Variants in AUTS2 observed in about 807,000 individuals in gnomAD.
AUTS2 encodes the protein activator of transcription and developmental regulator AUTS2.
In AUTS2, 17 loss-of-function variants were observed where a neutral mutation model predicts 112.4. The ratio of observed to expected loss-of-function variants is 0.15; its 90% confidence interval spans 0.10 to 0.23. AUTS2 has a LOEUF of 0.23. Ranked by LOEUF, AUTS2 falls within the 10% of genes least tolerant of loss-of-function variation. AUTS2 has a pLI of 1.00. For missense variants in AUTS2, 1,510 were observed against 1,701.6 expected (o/e 0.89, Z 1.98); for synonymous variants, 751 against 702.7 (o/e 1.07, Z -1.09).
intron 4 of AUTS2, among the ~76,000 whole-genome samples, chr7:70,412,700 T>A (rs1476216069): frequency 6.6e-6 from 1 of 152,170 alleles, no homozygotes; most frequent in East Asian, 1.9e-4. Context: ...CTTATTAAAA[T>A]AATATAATTT....
At chr7:70,576,984 TAGCCTTTCTGGTATTCCAGTTTAGAAC>T (rs1183490209) in intron 5 of AUTS2, among the ~76,000 whole-genome samples, 2 of 152,152 alleles carry the variant, frequency 1.3e-5, no homozygotes, top group African/African-American at 4.8e-5. Context: ...GAACCAGAGT[TAGCCTTTCTGGTATTCCAGTTTAGAAC>T]AGCACCATAT....
intron 4 of AUTS2, among the ~76,000 whole-genome samples, chr7:70,235,132 T>C (rs1812253423): frequency 6.6e-6 from 1 of 152,172 alleles, no homozygotes; most frequent in Non-Finnish European, 1.5e-5. Flanking sequence ...GAAGCTATTA[T>C]TTTTATAATT....
At chr7:69,936,442 T>G (rs554706931) in intron 2 of AUTS2, among the ~76,000 whole-genome samples, 8 of 152,146 alleles carry the variant, frequency 5.3e-5, no homozygotes, top group South Asian at 2.1e-4. Context: ...CTCCACCTCC[T>G]GGGTTCACGC....
In AUTS2 at chr7:70,270,419, A is replaced by G. The variant is rs79067469; in HGVS notation, c.660+135848A>G. Among the ~76,000 whole-genome samples the G allele has an allele frequency of 6.2e-4, 95 of 152,302 alleles. 3 individuals carry two copies. In the East Asian group the frequency reaches 0.015, roughly 24 times the overall value. On this transcript the variant is annotated intron_variant, in intron 4 of 18. Transcript: ENST00000342771. ...TGTGGAAAAATTGGTGTGGTAGTAC[A>G]CGCCAATCCTGGGACCTTCAAGTTG...
chr7:70,156,212 A>G (rs1807748398), intron 4 of AUTS2, among the ~76,000 whole-genome samples: 1 of 152,112 alleles, frequency 6.6e-6, no homozygotes, highest in South Asian at 2.1e-4. Context: ...CTCTGTTGAC[A>G]TAGAATATGC....
chr7:70,765,944 G>A (rs187618280), intron 8 of AUTS2, among the ~76,000 whole-genome samples, 170 bp from the exon 9 acceptor site: 259 of 152,230 alleles, frequency 1.7e-3, no homozygotes, highest in Middle Eastern at 3.4e-3. Flanking sequence ...GGGTGCGACC[G>A]GGCCTTGGTC....
chr7:70,552,354 C>A (rs566804653), intron 5 of AUTS2, among the ~76,000 whole-genome samples: 2 of 152,136 alleles, frequency 1.3e-5, no homozygotes, highest in Non-Finnish European at 2.9e-5. Context: ...ATGCAAAATA[C>A]TTCTTCCTGT....
chr7:70,122,463 T>C (rs544287281), intron 3 of AUTS2, among the ~76,000 whole-genome samples: 2 of 152,342 alleles, frequency 1.3e-5, no homozygotes, highest in African/African-American at 4.8e-5. Flanking sequence ...GTGCCATTTC[T>C]GGTCCTGTTT....
At chr7:70,031,402 CATA>C (rs1471745132) in intron 2 of AUTS2, among the ~76,000 whole-genome samples, 1 of 152,112 alleles carries the variant, frequency 6.6e-6, no homozygotes, top group Non-Finnish European at 1.5e-5. Flanking sequence ...TCCCTTTCAG[CATA>C]ATAGTGGCAG....
intron 5 of AUTS2, among the ~76,000 whole-genome samples, chr7:70,669,904 G>A (rs369702004): frequency 1.3e-5 from 2 of 152,124 alleles, no homozygotes; most frequent in Non-Finnish European, 2.9e-5. Flanking sequence ...TTTCTAAAGC[G>A]AAGGAGCCAG....
intron 5 of AUTS2, among the ~76,000 whole-genome samples, chr7:70,463,560 T>A (rs1797055474): frequency 6.6e-6 from 1 of 152,268 alleles, no homozygotes; most frequent in Non-Finnish European, 1.5e-5. Flanking sequence ...CAGCCTCTGA[T>A]GGCTGATAAG....
chr7:70,309,358 T>TA (rs1221580387), intron 4 of AUTS2, among the ~76,000 whole-genome samples: 1 of 152,208 alleles, frequency 6.6e-6, no homozygotes, highest in Non-Finnish European at 1.5e-5. Context: ...AAGACTTCTC[T>TA]AATAGAGTTA....
intron 4 of AUTS2, among the ~76,000 whole-genome samples, chr7:70,155,051 G>A (rs1224868152): frequency 6.6e-6 from 1 of 152,124 alleles, no homozygotes; most frequent in African/African-American, 2.4e-5. Context: ...TTCTTCCCAG[G>A]TGGATGTTTC....
At chr7:70,094,021 T>C (rs2129568151) in intron 2 of AUTS2, among the ~76,000 whole-genome samples, 1 of 152,304 alleles carries the variant, frequency 6.6e-6, no homozygotes, top group African/African-American at 2.4e-5. Flanking sequence ...TGCTCATCTG[T>C]TAGGAAAGCA....
At chr7:70,415,837 C>T (rs903733758) in intron 4 of AUTS2, among the ~76,000 whole-genome samples, 8 of 152,322 alleles carry the variant, frequency 5.3e-5, no homozygotes, top group Middle Eastern at 3.4e-3. Flanking sequence ...CATTTGTGTG[C>T]ACGCACACAC....
intron 1 of AUTS2, among the ~76,000 whole-genome samples, chr7:69,766,352 A>C (rs962023908): frequency 1.3e-5 from 2 of 152,144 alleles, no homozygotes; most frequent in Non-Finnish European, 2.9e-5. Context: ...TTCATTCCTC[A>C]GTCTACATTT....
intron 4 of AUTS2, among the ~76,000 whole-genome samples, chr7:70,162,493 A>G (rs1331171178): frequency 2.1e-5 from 3 of 141,948 alleles, no homozygotes; most frequent in African/African-American, 7.8e-5. Context: ...AGTAAAGGAG[A>G]ACCTTTAGTT....
intron 1 of AUTS2, among the ~76,000 whole-genome samples, chr7:69,870,463 A>ATATATATATATATATATATATG (rs1291290430): frequency 7.1e-6 from 1 of 141,508 alleles, no homozygotes; most frequent in South Asian, 2.3e-4. Flanking sequence ...ATATATATAT[A>ATATATATATATATATATATATG]TATGTATTCA....
chr7:69,897,883 T>G (rs1274748448), intron 1 of AUTS2, among the ~76,000 whole-genome samples: 1 of 151,864 alleles, frequency 6.6e-6, no homozygotes, highest in Non-Finnish European at 1.5e-5. Flanking sequence ...AAGTTGGGAG[T>G]GCTGGGATAT....
Sources: gnomAD v4.1 joint callset for allele counts (sites outside exome capture counted in the v4.1 genomes callset) on GRCh38, gnomAD v4.1.1 for gene constraint, MANE v1.5 for transcripts, NCBI Gene and HGNC (gene_info 2026-07-23, HGNC 2026-07-21) for gene names.